Variants in PPP4R4 observed in about 807,000 individuals in gnomAD.
PPP4R4 encodes the protein serine/threonine-protein phosphatase 4 regulatory subunit 4.
A neutral mutation model predicts 121.8 loss-of-function variants in PPP4R4; 70 were observed. The ratio of observed to expected loss-of-function variants is 0.57; its 90% CI spans 0.47 to 0.70. PPP4R4 has a LOEUF of 0.70. Ranked by LOEUF, PPP4R4 falls within the 30% of genes least tolerant of loss-of-function variation. The pLI is 0.00. For synonymous variants in PPP4R4, 348 were observed against 355.7 expected, an observed-to-expected ratio of 0.98 and a Z score of 0.24; for missense variants, 875 against 1,033.6, an observed-to-expected ratio of 0.85 and a Z score of 2.10.
chr14:94,236,052 G>GTCACACAGGGTATGGTGGAA (rs1892330663), intron 7 of PPP4R4, among the ~76,000 whole-genome samples: 1 of 151,868 alleles, frequency 6.6e-6, no homozygotes, highest in African/African-American at 2.4e-5. Context: ...GTATGGTAGA[G>GTCACACAGGGTATGGTGGAA]TGTCACACAG....
chr14:94,262,481 C>T (rs937706839), intron 19 of PPP4R4, among the ~76,000 whole-genome samples: 1 of 151,796 alleles, frequency 6.6e-6, no homozygotes, highest in Admixed American at 6.6e-5. Flanking sequence ...CCATACCTAA[C>T]CTTTTACAGT....
intron 24 of PPP4R4, among the ~76,000 whole-genome samples, chr14:94,277,858 G>C (rs538215446): frequency 1.4e-4 from 22 of 152,088 alleles, no homozygotes; most frequent in Non-Finnish European, 2.9e-4. Context: ...TAACACATCA[G>C]GTTTATTTAG....
intron 2 of PPP4R4, among the ~76,000 whole-genome samples, chr14:94,200,043 A>G (rs1890091808): frequency 6.6e-6 from 1 of 152,114 alleles, no homozygotes; most frequent in Non-Finnish European, 1.5e-5. Context: ...TAGTCAGGGA[A>G]CAGCCTTTCC....
chr14:94,185,265 A>C (rs985049116), intron 2 of PPP4R4, among the ~76,000 whole-genome samples: 4 of 152,192 alleles, frequency 2.6e-5, no homozygotes, highest in African/African-American at 4.8e-5. Flanking sequence ...CAGCAGTTTG[A>C]GAGGTCAAGG....
intron 3 of PPP4R4, among the ~76,000 whole-genome samples, chr14:94,211,057 AT>A (rs1000833557): frequency 6.6e-6 from 1 of 152,070 alleles, no homozygotes; most frequent in Non-Finnish European, 1.5e-5. Flanking sequence ...TGATTTCTCA[AT>A]TTTTTAAAAG....
chr14:94,202,797 T>C (rs1433716610), intron 2 of PPP4R4, among the ~76,000 whole-genome samples: 1 of 152,038 alleles, frequency 6.6e-6, no homozygotes, highest in African/African-American at 2.4e-5. Flanking sequence ...GCCAACATGG[T>C]GAAACCCTGT....
chr14:94,262,532 T>A (rs1566699971), intron 19 of PPP4R4, among the ~76,000 whole-genome samples: 1 of 151,988 alleles, frequency 6.6e-6, no homozygotes, highest in Non-Finnish European at 1.5e-5. Context: ...TTAACAATAA[T>A]ACAAATCTCT....
chr14:94,195,925 C>T (rs1889845867), intron 2 of PPP4R4, among the ~76,000 whole-genome samples: 1 of 151,788 alleles, frequency 6.6e-6, no homozygotes. Flanking sequence ...TATGTTTTTT[C>T]ATGTCCTATT....
chr14:94,269,517 T>TA (rs200892161), intron 23 of PPP4R4, among the ~76,000 whole-genome samples: 64 of 141,786 alleles, frequency 4.5e-4, no homozygotes, highest in Non-Finnish European at 5.3e-4. Flanking sequence ...CTACTAAAAA[T>TA]AAAAAAAAAA....
intron 16 of PPP4R4, among the ~76,000 whole-genome samples, chr14:94,255,666 G>A (rs1167300654): frequency 6.6e-6 from 1 of 151,526 alleles, no homozygotes; most frequent in Non-Finnish European, 1.5e-5. Flanking sequence ...CTACCACTCT[G>A]GTTCAATGTA....
chr14:94,186,560 C>G (rs67223873), intron 2 of PPP4R4, among the ~76,000 whole-genome samples: 8,253 of 152,264 alleles, frequency 0.054, 312 homozygotes, highest in Non-Finnish European at 0.084. Context: ...AGTGACTATA[C>G]ACATTCATTT....
intron 2 of PPP4R4, among the ~76,000 whole-genome samples, chr14:94,187,232 G>A (rs1351041152): frequency 3.3e-5 from 5 of 151,960 alleles, no homozygotes; most frequent in African/African-American, 9.7e-5. Flanking sequence ...GAATTGCCCC[G>A]GAGGCAGAGG....
chr14:94,241,332 T>G (rs1282715383), intron 9 of PPP4R4, among the ~76,000 whole-genome samples: 1 of 152,080 alleles, frequency 6.6e-6, no homozygotes, highest in African/African-American at 2.4e-5. Flanking sequence ...TTCCATTGAT[T>G]AAAAATATTT....
At chr14:94,238,319 A>G (rs1397816184) in intron 8 of PPP4R4, among the ~76,000 whole-genome samples, 1 of 152,232 alleles carries the variant, frequency 6.6e-6, no homozygotes, top group Non-Finnish European at 1.5e-5. Context: ...CCAGTACCCT[A>G]TGGCATACAG....
intron 7 of PPP4R4, 22 bp from the exon 8 acceptor site, chr14:94,237,543 T>C: frequency 6.3e-7 from 1 of 1,597,316 alleles, no homozygotes. Flanking sequence ...TGATTTATTT[T>C]CTTCTATTGC....
At chr14:94,190,902 A>G (rs1889562088) in intron 2 of PPP4R4, among the ~76,000 whole-genome samples, 2 of 147,306 alleles carry the variant, frequency 1.4e-5, no homozygotes, top group African/African-American at 5.0e-5. Context: ...TGACCTTATC[A>G]TGTAAGGAAT....
intron 3 of PPP4R4, among the ~76,000 whole-genome samples, chr14:94,214,983 A>G (rs1240533259): frequency 6.6e-6 from 1 of 152,222 alleles, no homozygotes; most frequent in Non-Finnish European, 1.5e-5. Context: ...TGAATTTCAT[A>G]TTTAGACTTG....
intron 2 of PPP4R4, among the ~76,000 whole-genome samples, chr14:94,185,582 A>G (rs1889228707): frequency 6.6e-6 from 1 of 152,200 alleles, no homozygotes; most frequent in Non-Finnish European, 1.5e-5. Flanking sequence ...GAGGAAATGT[A>G]TGTATAGGGC....
chr14:94,212,332 A>G (rs1318604434), intron 3 of PPP4R4, among the ~76,000 whole-genome samples: 1 of 152,184 alleles, frequency 6.6e-6, no homozygotes, highest in Non-Finnish European at 1.5e-5. Flanking sequence ...AGTTAGTGTT[A>G]CAATTGAGCT....
Sources: gnomAD v4.1 joint callset for allele counts (sites outside exome capture counted in the v4.1 genomes callset) on GRCh38, gnomAD v4.1.1 for gene constraint, MANE v1.5 for transcripts, NCBI Gene and HGNC (gene_info 2026-07-23, HGNC 2026-07-21) for gene names.